The following PTPRJ variants were observed in gnomAD, a reference collection of about 807,000 sequenced individuals.
The protein encoded by PTPRJ is protein tyrosine phosphatase receptor type J.
A neutral mutation model predicts 141.3 loss-of-function variants in PTPRJ; 129 were observed. The observed-to-expected ratio is 0.91, with a 90% CI of 0.79 to 1.06. PTPRJ has a LOEUF of 1.06. Ranked by LOEUF, PTPRJ falls within the 50% of genes least tolerant of loss-of-function variation. The pLI is 0.00. For synonymous variants in PTPRJ, 610 were observed against 640.5 expected, an observed-to-expected ratio of 0.95 and a Z score of 0.72; for missense variants, 1,601 against 1,679.7, an observed-to-expected ratio of 0.95 and a Z score of 0.82.
At chr11:48,006,256 C>G (rs752983303) in intron 1 of PTPRJ, among the ~76,000 whole-genome samples, 12 of 152,080 alleles carry the variant, frequency 7.9e-5, no homozygotes, top group Non-Finnish European at 1.5e-4. Context: ...GGCTTCCTGC[C>G]TCTCTCAAGG....
At position 48,144,836 on chromosome 11, in the gene PTPRJ, A is replaced by C; in HGVS notation, c.2737A>C (p.Thr913Pro). 3.7e-6 allele frequency: 6 copies of C among 1,614,184 alleles called. No homozygotes were observed. The highest frequency in any genetic ancestry group is 4.2e-6 in the Non-Finnish European group (5 of 1,180,008). ...KYEIDVGNES[T>P]TLGYYNGKLE... ...TGAAATTGACGTTGGGAATGAGTCAACCACACTTGGTTATTACAATGGGAA... is the reference window on the plus strand; with the variant it reads ...TGAAATTGACGTTGGGAATGAGTCACCCACACTTGGTTATTACAATGGGAA... Residue 913 changes from threonine to proline, a missense_variant, in exon 13 of 25, where the codon ACC becomes CCC. By Grantham distance (38) the Thr-to-Pro change is conservative. Transcript: ENST00000418331.
At chr11:48,120,161 A>G (rs779764636) in intron 3 of PTPRJ, among the ~76,000 whole-genome samples, 3 of 152,208 alleles carry the variant, frequency 2.0e-5, no homozygotes, top group African/African-American at 2.4e-5. Flanking sequence ...TACTAGAGCT[A>G]TCAACAGAGA....
intron 1 of PTPRJ, among the ~76,000 whole-genome samples, chr11:47,990,023 A>G (rs1167067366): frequency 1.3e-5 from 2 of 152,224 alleles, no homozygotes; most frequent in Non-Finnish European, 2.9e-5. Flanking sequence ...GGCTATGGAA[A>G]CATAAACACA....
Position 48,050,106 on chromosome 11 carries a change from C to T in PTPRJ, c.97-59952C>T, listed in dbSNP as rs185693903. Among the ~76,000 whole-genome samples, 7 of 152,288 alleles carry T rather than the reference C, an allele frequency of 4.6e-5. No homozygotes were observed. The East Asian group carries it at 1.2e-3, about 25-fold the overall frequency. ...TAAAGCTGTGGATGAACCTGCCTTT[C>T]AGGTTTCGTAGCCTCTTCAGTCAGA... On this transcript the variant is annotated intron_variant, in intron 1 of 24. Transcript: ENST00000418331.
At chr11:48,129,775 C>T (rs542121988) in intron 7 of PTPRJ, among the ~76,000 whole-genome samples, 55 of 152,108 alleles carry the variant, frequency 3.6e-4, no homozygotes, top group Non-Finnish European at 7.1e-4. Context: ...GAAGCTGCAG[C>T]CACCGCTGAG....
intron 3 of PTPRJ, among the ~76,000 whole-genome samples, chr11:48,114,192 A>G (rs181003617): frequency 3.9e-5 from 6 of 152,256 alleles, no homozygotes; most frequent in Admixed American, 3.9e-4. Flanking sequence ...TAATCACAGC[A>G]CTTTGGGAGG....
chr11:48,066,671 C>T (rs1220080296), intron 1 of PTPRJ, among the ~76,000 whole-genome samples: 17 of 151,816 alleles, frequency 1.1e-4, no homozygotes, highest in Middle Eastern at 3.4e-3. Context: ...CTGCAACCTC[C>T]GCCTCCCAGG....
rs374842305 is a variant in PTPRJ, at chr11:48,142,308, C to T, written c.2444-611C>T. Among the ~76,000 whole-genome samples, 12 of 152,210 alleles carry T rather than the reference C, an allele frequency of 7.9e-5. No individual in the cohort carries two copies. The South Asian group carries it at 8.3e-4, about 11-fold the overall frequency. On this transcript the variant is annotated intron_variant, in intron 11 of 24. Transcript: ENST00000418331. Reference sequence around the variant, plus strand: ...GGCCTCCAGCTTTATTCTTTCTCAACGCTACTTTGGCTATTCCTGGTCTTT... The same window carrying T: ...GGCCTCCAGCTTTATTCTTTCTCAATGCTACTTTGGCTATTCCTGGTCTTT...
In PTPRJ at chr11:48,167,211, A is replaced by G. The variant is rs1159059690; in HGVS notation, c.3863A>G (p.Tyr1288Cys). The change falls in exon 25 of 25, where the codon TAT becomes TGT. Residue 1288 changes from tyrosine to cysteine, a missense_variant. By Grantham distance (194) the Tyr-to-Cys change is radical. Transcript: ENST00000418331. ...RPLMVQTEDQ[Y>C]VFLNQCVLDI... is the part of the protein sequence containing the mutation. ...CTTTCGTTTTTCTATCAGGACCAGTATGTTTTCCTCAATCAGTGTGTTTTG... is the reference window on the plus strand; with the variant it reads ...CTTTCGTTTTTCTATCAGGACCAGTGTGTTTTCCTCAATCAGTGTGTTTTG... 2 of 1,611,314 alleles carry G rather than the reference A, an allele frequency of 1.2e-6. No individual in the cohort carries two copies. The highest frequency in any genetic ancestry group is 1.7e-6 in the Non-Finnish European group (2 of 1,177,956).
At chr11:48,153,755 G>T in intron 18 of PTPRJ, 41 bp from the exon 19 acceptor site, 1 of 1,313,146 alleles carries the variant, frequency 7.6e-7, no homozygotes, top group South Asian at 1.2e-5. Context: ...AATAATATTT[G>T]AAGACTAAAT....
At chr11:48,092,324 G>GA (rs949655644) in intron 1 of PTPRJ, among the ~76,000 whole-genome samples, 2 of 133,946 alleles carry the variant, frequency 1.5e-5, no homozygotes, top group African/African-American at 5.7e-5. Context: ...AAAAGAAAAA[G>GA]AAAAAAAGAA....
At chr11:48,029,511 C>T (rs528723016) in intron 1 of PTPRJ, among the ~76,000 whole-genome samples, 1 of 152,300 alleles carries the variant, frequency 6.6e-6, no homozygotes, top group Admixed American at 6.5e-5. Flanking sequence ...CTCTTCAAAC[C>T]CGCATCTCTT....
In PTPRJ at chr11:48,153,836, C is replaced by T. The variant is rs1290570403; in HGVS notation, c.3179C>T (p.Ala1060Val). ...LVGISQPKYAAELAENRGKNR... is the reference protein window; with the variant it reads ...LVGISQPKYAVELAENRGKNR... ...GGAATTAGTCAACCTAAATATGCAG[C>T]AGAACTGGCTGAGAATAGAGGAAAG... The change falls in exon 19 of 25, where the codon GCA becomes GTA. Residue 1060 changes from alanine to valine, a missense_variant. Transcript: ENST00000418331. 1 of 1,613,856 alleles carries T rather than the reference C, an allele frequency of 6.2e-7. No individual in the cohort carries two copies. The highest frequency in any genetic ancestry group is 2.2e-5 in the East Asian group (1 of 44,860).
chr11:48,075,995 C>T (rs1290553286), intron 1 of PTPRJ, among the ~76,000 whole-genome samples: 1 of 152,140 alleles, frequency 6.6e-6, no homozygotes, highest in Non-Finnish European at 1.5e-5. Flanking sequence ...CTGAAAGGCC[C>T]CCTTGTTCAT....
chr11:48,052,431 G>A (rs894034250), intron 1 of PTPRJ, among the ~76,000 whole-genome samples: 5 of 152,170 alleles, frequency 3.3e-5, no homozygotes, highest in Admixed American at 6.5e-5. Context: ...GGCCTCACCC[G>A]CTCCTTGCTT....
chr11:48,079,255 T>C (rs1429301357), intron 1 of PTPRJ, among the ~76,000 whole-genome samples: 1 of 151,886 alleles, frequency 6.6e-6, no homozygotes, highest in Non-Finnish European at 1.5e-5. Context: ...ATGCGGGCCA[T>C]GGGTTGGCCA....
chr11:48,033,615 A>T (rs1854045583), intron 1 of PTPRJ, among the ~76,000 whole-genome samples: 1 of 152,188 alleles, frequency 6.6e-6, no homozygotes, highest in Admixed American at 6.5e-5. Flanking sequence ...GGGATGGATT[A>T]ACTGTGTGGG....
At chr11:47,983,332 A>G (rs1458727262) in intron 1 of PTPRJ, among the ~76,000 whole-genome samples, 1 of 152,262 alleles carries the variant, frequency 6.6e-6, no homozygotes, top group African/African-American at 2.4e-5. Flanking sequence ...GGAAACAAGT[A>G]TGTGACTACC....
At chr11:48,053,244 T>TAAATATATTA (rs1235368031) in intron 1 of PTPRJ, among the ~76,000 whole-genome samples, 2 of 84,624 alleles carry the variant, frequency 2.4e-5, no homozygotes, top group African/African-American at 1.1e-4. Flanking sequence ...TATAATATAT[T>TAAATATATTA]TATATAATAT....
Sources: gnomAD v4.1 joint callset for allele counts (sites outside exome capture counted in the v4.1 genomes callset) on GRCh38, gnomAD v4.1.1 for gene constraint, MANE v1.5 for transcripts, NCBI Gene and HGNC (gene_info 2026-07-23, HGNC 2026-07-21) for gene names.